Variants in TTLL5 observed in about 807,000 individuals in gnomAD.
The protein encoded by TTLL5 is tubulin tyrosine ligase like 5, also known as tubulin polyglutamylase TTLL5.
In TTLL5, 132 loss-of-function variants were observed where a neutral mutation model predicts 168.4. The observed-to-expected ratio is 0.78, with a 90% confidence interval of 0.68 to 0.91. The LOEUF is 0.91. TTLL5 is among the 40% of genes least tolerant of loss of function. The probability of loss-of-function intolerance (pLI) is 0.00; values close to 1 mark genes in which losing one functional copy is unlikely to be tolerated. For synonymous variants in TTLL5, 546 were observed against 558.6 expected (o/e 0.98, Z 0.32); for missense variants, 1,545 against 1,581.5 (o/e 0.98, Z 0.39).
chr14:75,821,886 C>A (rs546977868), intron 28 of TTLL5, among the ~76,000 whole-genome samples: 1 of 152,160 alleles, frequency 6.6e-6, no homozygotes, highest in Non-Finnish European at 1.5e-5. Flanking sequence ...CCCACAGCAG[C>A]CTTCTCTTTA....
At chr14:75,953,309 T>C (rs932610117) in intron 31 of TTLL5, among the ~76,000 whole-genome samples, 3 of 152,184 alleles carry the variant, frequency 2.0e-5, no homozygotes, top group Non-Finnish European at 2.9e-5. Flanking sequence ...GAGTGTAAAT[T>C]GTATAATCAC....
intron 31 of TTLL5, among the ~76,000 whole-genome samples, chr14:75,917,020 G>C (rs2033640774): frequency 6.6e-6 from 1 of 152,206 alleles, no homozygotes; most frequent in African/African-American, 2.4e-5. Context: ...GTGGTCAGCA[G>C]GGGGTGGGGA....
intron 27 of TTLL5, among the ~76,000 whole-genome samples, chr14:75,811,179 G>GTGTGTGTGTGTGTGTGTA (rs1555347980): frequency 8.3e-6 from 1 of 120,434 alleles, no homozygotes; most frequent in Non-Finnish European, 1.9e-5. Flanking sequence ...GTGTGTGTGT[G>GTGTGTGTGTGTGTGTGTA]TGTGTGTGTA....
At chr14:75,724,157 TC>T (rs1888032405) in intron 12 of TTLL5, among the ~76,000 whole-genome samples, 2 of 152,204 alleles carry the variant, frequency 1.3e-5, no homozygotes, top group African/African-American at 2.4e-5. Flanking sequence ...TGGTGGTTGT[TC>T]CTGTCCTTCC....
At chr14:75,938,430 C>T (rs1186355029) in intron 31 of TTLL5, among the ~76,000 whole-genome samples, 2 of 152,192 alleles carry the variant, frequency 1.3e-5, no homozygotes, top group Non-Finnish European at 2.9e-5. Flanking sequence ...TTCAGAAACT[C>T]GGAGTCCCAG....
intron 12 of TTLL5, among the ~76,000 whole-genome samples, chr14:75,721,012 T>C (rs1217075470): frequency 6.6e-6 from 1 of 152,086 alleles, no homozygotes; most frequent in Non-Finnish European, 1.5e-5. Context: ...CTCTAACAAA[T>C]ATATTCCAGA....
intron 3 of TTLL5, among the ~76,000 whole-genome samples, chr14:75,676,299 A>G (rs1884151151): frequency 1.3e-5 from 2 of 152,188 alleles, no homozygotes; most frequent in Admixed American, 6.5e-5. Flanking sequence ...CATCATTACC[A>G]GGTTTCTTAA....
chr14:75,776,115 A>G (rs60908064), intron 22 of TTLL5, among the ~76,000 whole-genome samples: 15,988 of 152,252 alleles, frequency 0.11, 1,011 homozygotes, highest in Non-Finnish European at 0.14. Context: ...AGCATTCTAT[A>G]TCCCGGGATC....
intron 7 of TTLL5, among the ~76,000 whole-genome samples, chr14:75,705,125 A>C (rs771684712): frequency 6.6e-6 from 1 of 152,250 alleles, no homozygotes; most frequent in Non-Finnish European, 1.5e-5. Context: ...GATAGTACTT[A>C]CGAGAAGCTG....
At chr14:75,936,328 C>T (rs1159060174) in intron 31 of TTLL5, among the ~76,000 whole-genome samples, 1 of 152,208 alleles carries the variant, frequency 6.6e-6, no homozygotes. Context: ...GGCCCTTGTC[C>T]TGAGGGGTGC....
At chr14:75,708,023 C>T (rs1364228466) in intron 9 of TTLL5, among the ~76,000 whole-genome samples, 1 of 152,098 alleles carries the variant, frequency 6.6e-6, no homozygotes, top group Non-Finnish European at 1.5e-5. Flanking sequence ...TTATGAAGCT[C>T]CTAGGATATT....
intron 7 of TTLL5, 55 bp downstream of exon 7, chr14:75,699,325 C>T: frequency 7.0e-7 from 1 of 1,435,568 alleles, no homozygotes. Flanking sequence ...TCCTCCTTCA[C>T]CCTTTGTATT....
At chr14:75,927,394 A>C (rs1341709174) in intron 31 of TTLL5, among the ~76,000 whole-genome samples, 1 of 152,228 alleles carries the variant, frequency 6.6e-6, no homozygotes, top group Non-Finnish European at 1.5e-5. Context: ...AATAAAAACC[A>C]CCGAACTGTA....
intron 9 of TTLL5, chr14:75,709,073 T>C (rs777845302): frequency 1.5e-6 from 1 of 662,768 alleles, no homozygotes; most frequent in African/African-American, 1.8e-5. Context: ...GGGCCTCAGG[T>C]TGGACAAGCT....
At chr14:75,757,964 T>C in intron 18 of TTLL5, 1 of 1,244,142 alleles carries the variant, frequency 8.0e-7, no homozygotes, top group Non-Finnish European at 1.0e-6. Flanking sequence ...CCATTTTTAG[T>C]TTGGTTCAGC....
intron 28 of TTLL5, among the ~76,000 whole-genome samples, chr14:75,857,261 C>T (rs186964722): frequency 7.9e-4 from 121 of 152,234 alleles, no homozygotes; most frequent in African/African-American, 2.8e-3. Context: ...GACTTTTCTT[C>T]ATTCTCTTAA....
At chr14:75,823,091 C>T (rs72725614) in intron 28 of TTLL5, among the ~76,000 whole-genome samples, 23 of 152,174 alleles carry the variant, frequency 1.5e-4, no homozygotes, top group Non-Finnish European at 2.6e-4. Flanking sequence ...CAAGCAAGGC[C>T]GACTTAGAAT....
chr14:75,874,933 C>CTTT (rs1555353208), intron 29 of TTLL5, among the ~76,000 whole-genome samples: 4 of 97,546 alleles, frequency 4.1e-5, no homozygotes, highest in African/African-American at 9.8e-5. Context: ...CACTGGGGGC[C>CTTT]TTTTTTTTTT....
intron 26 of TTLL5, among the ~76,000 whole-genome samples, chr14:75,784,424 T>G (rs1331612447): frequency 6.6e-6 from 1 of 152,246 alleles, no homozygotes. Flanking sequence ...AGTAGGAACT[T>G]CATTCCCTTT....
Sources: gnomAD v4.1 joint callset for allele counts (sites outside exome capture counted in the v4.1 genomes callset) on GRCh38, gnomAD v4.1.1 for gene constraint, MANE v1.5 for transcripts, NCBI Gene and HGNC (gene_info 2026-07-23, HGNC 2026-07-21) for gene names.